MYRIP: variants seen among roughly 807,000 people sequenced by gnomAD.
The protein encoded by MYRIP is myosin VIIA and Rab interacting protein, also known as rab effector MyRIP.
In MYRIP, 49 loss-of-function variants were observed where a neutral mutation model predicts 98.0. The ratio of observed to expected loss-of-function variants is 0.50; its 90% CI spans 0.40 to 0.63. MYRIP has a LOEUF of 0.63. MYRIP is among the 30% of genes least tolerant of loss of function. MYRIP has a pLI of 0.00. For synonymous variants in MYRIP, 404 were observed against 409.5 expected (o/e 0.99, Z 0.16); for missense variants, 1,004 against 1,058.2 (o/e 0.95, Z 0.71).
chr3:39,973,719 T>A (rs1049216831), intron 2 of MYRIP, among the ~76,000 whole-genome samples: 26 of 152,178 alleles, frequency 1.7e-4, no homozygotes, highest in African/African-American at 6.0e-4. Context: ...CGCAGTGCAA[T>A]CAAACTAGAA....
At chr3:40,138,170 C>G (rs1053482612) in intron 3 of MYRIP, among the ~76,000 whole-genome samples, 1 of 152,228 alleles carries the variant, frequency 6.6e-6, no homozygotes. Flanking sequence ...CGGCACATAT[C>G]CCCTCCTAAG....
intron 2 of MYRIP, among the ~76,000 whole-genome samples, chr3:39,997,786 TAAA>T: frequency 6.6e-6 from 1 of 152,178 alleles, no homozygotes; most frequent in East Asian, 1.9e-4. Flanking sequence ...AAATCCATGA[TAAA>T]ATACTGGCAA....
intron 12 of MYRIP, chr3:40,238,872 T>TA (rs1952905438): frequency 6.6e-6 from 1 of 152,240 alleles, no homozygotes; most frequent in African/African-American, 2.4e-5. Context: ...TTAACCCCCT[T>TA]AATTAGCAGA....
chr3:40,222,520 ATT>A (rs1286253720), intron 11 of MYRIP, among the ~76,000 whole-genome samples: 1 of 152,018 alleles, frequency 6.6e-6, no homozygotes, highest in Admixed American at 6.6e-5. Flanking sequence ...AGGTGAGGAG[ATT>A]TTGTTTTATG....
At chr3:40,084,178 G>T (rs375584674) in intron 3 of MYRIP, among the ~76,000 whole-genome samples, 2 of 107,350 alleles carry the variant, frequency 1.9e-5, no homozygotes, top group African/African-American at 3.4e-5. Context: ...ATTCTCAGAA[G>T]AAGGAAAACT....
intron 4 of MYRIP, among the ~76,000 whole-genome samples, chr3:40,155,010 CTTTAAG>C (rs1950194570): frequency 6.6e-6 from 1 of 151,360 alleles, no homozygotes; most frequent in East Asian, 1.9e-4. Context: ...TATTATTATA[CTTTAAG>C]TTTTAGGGTA....
chr3:40,133,402 G>A (rs936634735), intron 3 of MYRIP, among the ~76,000 whole-genome samples: 1 of 152,192 alleles, frequency 6.6e-6, no homozygotes, highest in African/African-American at 2.4e-5. Context: ...GAATGCATGG[G>A]ACCAATCATG....
At chr3:40,000,954 T>G (rs1946505336) in intron 2 of MYRIP, among the ~76,000 whole-genome samples, 2 of 152,260 alleles carry the variant, frequency 1.3e-5, no homozygotes, top group African/African-American at 2.4e-5. Context: ...CTTCTGCATT[T>G]CAATGATAAC....
intron 4 of MYRIP, among the ~76,000 whole-genome samples, chr3:40,160,971 C>T (rs1462647441): frequency 6.6e-6 from 1 of 152,198 alleles, no homozygotes; most frequent in African/African-American, 2.4e-5. Flanking sequence ...TTCTGCGTCG[C>T]TCACGCTGGG....
rs191527694 is a variant in MYRIP at position 39,960,486 on chromosome 3, G to T, written c.110+59560G>T. Among the ~76,000 whole-genome samples the T allele has an allele frequency of 1.4e-3, 217 of 152,254 alleles. 1 individual carries two copies. The highest frequency in any genetic ancestry group is 5.1e-3 in the African/African-American group (211 of 41,570). On this transcript the variant is annotated intron_variant, in intron 2 of 16. Transcript: ENST00000302541. ...TTCCCTCTTTTCCCTAATCATGGGG[G>T]AAAATGTAGTTCATTAGCAAGTTGA... is the stretch of plus-strand genomic sequence containing the variant.
At chr3:40,252,496 G>C (rs1474091973) in intron 16 of MYRIP, among the ~76,000 whole-genome samples, 5 of 152,078 alleles carry the variant, frequency 3.3e-5, no homozygotes, top group African/African-American at 4.8e-5. Context: ...TTTTTACCCT[G>C]GCACAATAGA....
At chr3:39,845,659 C>A (rs912611738) in intron 1 of MYRIP, among the ~76,000 whole-genome samples, 7 of 152,020 alleles carry the variant, frequency 4.6e-5, no homozygotes, top group African/African-American at 1.7e-4. Context: ...TCCAATAAAT[C>A]AGTCAACAAA....
At chr3:40,157,532 C>T (rs1204396731) in intron 4 of MYRIP, among the ~76,000 whole-genome samples, 3 of 148,014 alleles carry the variant, frequency 2.0e-5, no homozygotes, top group African/African-American at 7.5e-5. Context: ...GGAGGATTCC[C>T]TCTTTTTCTA....
At chr3:40,232,257 T>A (rs1952684183) in intron 11 of MYRIP, among the ~76,000 whole-genome samples, 1 of 152,218 alleles carries the variant, frequency 6.6e-6, no homozygotes, top group Non-Finnish European at 1.5e-5. Context: ...GGAGGAGCCC[T>A]CTGGCACATG....
At chr3:40,255,548 A>G (rs1953555701) in intron 16 of MYRIP, among the ~76,000 whole-genome samples, 1 of 152,262 alleles carries the variant, frequency 6.6e-6, no homozygotes, top group African/African-American at 2.4e-5. Context: ...TAAACAAATA[A>G]AAGCAAAATA....
At chr3:39,893,646 A>G (rs1261617221) in intron 1 of MYRIP, among the ~76,000 whole-genome samples, 1 of 150,966 alleles carries the variant, frequency 6.6e-6, no homozygotes, top group African/African-American at 2.4e-5. Context: ...AACATTTGGC[A>G]TGATTAGTTA....
chr3:39,850,826 A>T (rs1049847163), intron 1 of MYRIP, among the ~76,000 whole-genome samples: 1 of 152,220 alleles, frequency 6.6e-6, no homozygotes, highest in African/African-American at 2.4e-5. Context: ...TTTACATAGT[A>T]GAGAGAGCAA....
At chr3:40,130,438 C>T (rs933494230) in intron 3 of MYRIP, among the ~76,000 whole-genome samples, 7 of 146,468 alleles carry the variant, frequency 4.8e-5, no homozygotes, top group East Asian at 2.0e-4. Context: ...AGTGCAGTGG[C>T]GCAATCTCGG....
At chr3:40,132,586 C>G (rs1949668308) in intron 3 of MYRIP, among the ~76,000 whole-genome samples, 1 of 152,234 alleles carries the variant, frequency 6.6e-6, no homozygotes, top group South Asian at 2.1e-4. Context: ...AGGTACAGGC[C>G]CTGGGTTCCC....
Sources: gnomAD v4.1 joint callset for allele counts (sites outside exome capture counted in the v4.1 genomes callset) on GRCh38, gnomAD v4.1.1 for gene constraint, MANE v1.5 for transcripts, NCBI Gene and HGNC (gene_info 2026-07-23, HGNC 2026-07-21) for gene names.